Variants in HOXC4 observed in about 807,000 individuals in gnomAD.
HOXC4 encodes the protein homeobox C4.
HOXC4 carries 15 observed loss-of-function variants against 25.5 expected under a neutral mutation model. The ratio of observed to expected loss-of-function variants is 0.59; its 90% CI spans 0.39 to 0.91. The LOEUF is 0.91. Ranked by LOEUF, HOXC4 falls within the 40% of genes least tolerant of loss-of-function variation. The probability of loss-of-function intolerance (pLI) is 0.00; values close to 1 mark genes in which losing one functional copy is unlikely to be tolerated. For synonymous variants in HOXC4, 165 were observed against 148.0 expected, an observed-to-expected ratio of 1.11 and a Z score of -0.83; for missense variants, 342 against 352.4, an observed-to-expected ratio of 0.97 and a Z score of 0.24.
intron 1 of HOXC4, chr12:54,028,685 A>G: frequency 3.1e-6 from 5 of 1,613,924 alleles, no homozygotes; most frequent in Non-Finnish European, 4.2e-6. Context: ...ACTCCCTTTT[A>G]TTCGCCACAG....
chr12:54,055,463 G>GT lies in HOXC4; in HGVS notation c.*267dup, dbSNP rs199529607. The GT allele has an allele frequency of 8.4e-3, 1,361 of 161,280 alleles. 63 individuals carry two copies. The highest frequency in any genetic ancestry group is 0.073 in the Admixed American group (1,128 of 15,352). The allele number at this position is 161,280 out of a possible 1,614,324, so 10.0% of individuals were successfully genotyped here. On this transcript the variant is annotated 3_prime_UTR_variant, in exon 2 of 2. Coordinates refer to ENST00000430889, the MANE Select transcript of HOXC4 (RefSeq NM_153633.3). ...TGTCTTAGCATGGTACCTGCTGGGT[G>GT]TTTTTTTTTAAAAGGCCATTTTGGG...
At chr12:54,051,559 C>T (rs1214427248), upstream of HOXC4, among the ~76,000 whole-genome samples, 1 of 152,178 alleles carries the variant, frequency 6.6e-6, no homozygotes, top group Non-Finnish European at 1.5e-5. Flanking sequence ...CAAGAGTGGG[C>T]AAGGGTTCTC....
upstream of HOXC4, among the ~76,000 whole-genome samples, chr12:54,052,564 C>G (rs1937869868): frequency 8.5e-6 from 1 of 117,658 alleles, no homozygotes. Flanking sequence ...AGGACCACCC[C>G]TAGCTGGGGG....
Position 54,017,710 on chromosome 12 carries a change from C to G in HOXC4, c.-124+296C>G, listed in dbSNP as rs567218746. 4.3e-4 allele frequency among the ~76,000 whole-genome samples: 66 copies of G among 152,250 alleles called. 1 individual carries two copies. Among genetic ancestry groups the G allele is most frequent in the African/African-American group, 1.5e-3 (61 of 41,536 alleles). ...AAGCCGGCGGTCTAGGGCGCCAGCTCTCTGCTGCCCACTGTGTCAGTACCT... is the reference window on the plus strand; with the variant it reads ...AAGCCGGCGGTCTAGGGCGCCAGCTGTCTGCTGCCCACTGTGTCAGTACCT... On this transcript the variant is annotated intron_variant, in intron 1 of 3. Coordinates refer to the HOXC4 transcript ENST00000303406.
intron 1 of HOXC4, chr12:54,034,551 C>T (rs1941129858): frequency 1.4e-6 from 2 of 1,388,444 alleles, no homozygotes; most frequent in Admixed American, 3.6e-5. Context: ...CTGCGCCTTT[C>T]CTTTTCGCCT....
chr12:54,023,130 G>A (rs1346735926), intron 1 of HOXC4, among the ~76,000 whole-genome samples: 1 of 152,112 alleles, frequency 6.6e-6, no homozygotes, highest in African/African-American at 2.4e-5. Flanking sequence ...CTCTCCCCAA[G>A]CCCCCTCCTC....
chr12:54,033,938 G>A (rs780385728), intron 1 of HOXC4: 1 of 497,268 alleles, frequency 2.0e-6, no homozygotes, highest in Non-Finnish European at 3.8e-6. Context: ...CGGCTCCGGA[G>A]GATTCCAGCG....
chr12:54,021,758 G>A (rs772157611), intron 1 of HOXC4: 6 of 152,448 alleles, frequency 3.9e-5, no homozygotes, highest in East Asian at 3.9e-4. Context: ...CCCAGCCCAC[G>A]GCCTCTGCCA....
At chr12:54,054,795 G>T in intron 1 of HOXC4, 55 bp from the exon 2 acceptor site, 1 of 1,195,090 alleles carries the variant, frequency 8.4e-7, no homozygotes, top group South Asian at 1.4e-5. Context: ...TGAGGGTGGG[G>T]GGCGGGGAGC....
chr12:54,028,924 G>A, intron 1 of HOXC4: 3 of 1,603,572 alleles, frequency 1.9e-6, no homozygotes, highest in Non-Finnish European at 2.5e-6. Flanking sequence ...GCACAGTGGT[G>A]AGTTTTACAG....
intron 1 of HOXC4, chr12:54,034,019 G>C (rs984620143): frequency 1.5e-5 from 10 of 677,498 alleles, no homozygotes; most frequent in Non-Finnish European, 2.8e-5. Flanking sequence ...GTCCGAGCCT[G>C]GGTCTCCCTC....
intron 1 of HOXC4, chr12:54,034,689 C>T (rs1473093251): frequency 2.6e-5 from 15 of 577,326 alleles, no homozygotes; most frequent in Non-Finnish European, 4.3e-5. Context: ...GCTGTCGGCG[C>T]TGCCCCATCT....
intron 1 of HOXC4, among the ~76,000 whole-genome samples, chr12:54,039,384 G>C (rs1246535271): frequency 6.6e-6 from 1 of 152,042 alleles, no homozygotes; most frequent in African/African-American, 2.4e-5. Flanking sequence ...CAAATAAATG[G>C]GGAGTCTTAG....
rs866294332 is a variant in HOXC4, at chr12:54,045,788, G to A, written c.-123-7372G>A. ...TATTTTGGATGTTTGGCTTATTAAA[G>A]CAAGTAATTCTGTCTCTATTTCTAA... On this transcript the variant is annotated intron_variant, in intron 1 of 3. Coordinates refer to the HOXC4 transcript ENST00000303406. 2.0e-4 allele frequency among the ~76,000 whole-genome samples: 31 copies of A among 152,242 alleles called. No homozygotes were observed. In the Middle Eastern group the frequency reaches 0.014, roughly 67 times the overall value.
chr12:54,027,340 G>GGTGCCA (rs1264361803), intron 1 of HOXC4, among the ~76,000 whole-genome samples: 1 of 152,196 alleles, frequency 6.6e-6, no homozygotes, highest in African/African-American at 2.4e-5. Context: ...CTCCACTGGC[G>GGTGCCA]GTGCCCTGAG....
At chr12:54,053,673 C>T (rs765245376), upstream of HOXC4, among the ~76,000 whole-genome samples, 22 of 152,208 alleles carry the variant, frequency 1.4e-4, no homozygotes, top group Non-Finnish European at 2.1e-4. Context: ...GCACTCCAAC[C>T]TCTGCTAGCT....
At chr12:54,036,286 T>C (rs1227206182) in intron 1 of HOXC4, among the ~76,000 whole-genome samples, 1 of 152,094 alleles carries the variant, frequency 6.6e-6, no homozygotes, top group Non-Finnish European at 1.5e-5. Context: ...AACAGGGTGA[T>C]TTCCTGGAGC....
rs754748322 is a variant in HOXC4 at position 54,053,937 on chromosome 12, G to A, written c.15G>A (p.Ser5=). MIMS[S]YLMDSNYIDP... ...TCCAGAAATTAATGATCATGAGCTC[G>A]TATTTGATGGACTCTAACTACATCG... Residue 5 remains serine (S), a synonymous_variant, in exon 1 of 2, where the codon TCG becomes TCA. Transcript: ENST00000430889. 6.2e-7 allele frequency: 1 copy of A among 1,606,354 alleles called. No individual in the cohort carries two copies. Among genetic ancestry groups the A allele is most frequent in the East Asian group, 2.2e-5 (1 of 44,654 alleles).
At chr12:54,042,493 TCCTTGTGAGTG>T (rs1941291702) in intron 1 of HOXC4, among the ~76,000 whole-genome samples, 1 of 152,164 alleles carries the variant, frequency 6.6e-6, no homozygotes, top group African/African-American at 2.4e-5. Flanking sequence ...CCTCGACCCC[TCCTTGTGAGTG>T]CCTCAAAAAG....
Sources: gnomAD v4.1 joint callset for allele counts (sites outside exome capture counted in the v4.1 genomes callset) on GRCh38, gnomAD v4.1.1 for gene constraint, MANE v1.5 for transcripts, NCBI Gene and HGNC (gene_info 2026-07-23, HGNC 2026-07-21) for gene names.